The following DGKD variants were observed in gnomAD, a reference collection of about 807,000 sequenced individuals.
The protein encoded by DGKD is diacylglycerol kinase delta, also known as DAG kinase delta.
Under a neutral mutation model 154.4 loss-of-function variants are expected in DGKD, and 68 were observed. The ratio of observed to expected loss-of-function variants is 0.44; its 90% CI spans 0.36 to 0.54. DGKD has a LOEUF of 0.54. Among genes scored for constraint, DGKD ranks in the 20% least tolerant of loss-of-function variants. The pLI, the probability that DGKD is intolerant of heterozygous loss-of-function variation, is 0.00. For synonymous variants in DGKD, 693 were observed against 638.0 expected (o/e 1.09, Z -1.30); for missense variants, 1,343 against 1,593.6 (o/e 0.84, Z 2.68).
Position 233,385,912 on chromosome 2 carries a change from T to A in DGKD, c.157-2345T>A, listed in dbSNP as rs202196893. On this transcript the variant is annotated intron_variant, in intron 1 of 29. Coordinates refer to ENST00000264057, the MANE Select transcript of DGKD (RefSeq NM_152879.3). ...CCCACCAGTCTTTTTCTGAGCACTC[T>A]TGTTATAAATAAAGCAGCAGCTCTC... 3,026 of 355,412 alleles carry A rather than the reference T, an allele frequency of 8.5e-3. 23 individuals carry two copies. Among genetic ancestry groups the A allele is most frequent in the Non-Finnish European group, 0.011 (2,030 of 185,476 alleles). 22.0% of individuals were successfully genotyped at this position (355,412 alleles called of 1,614,324 possible).
At chr2:233,367,577 C>T (rs1489273872) in intron 1 of DGKD, among the ~76,000 whole-genome samples, 1 of 152,106 alleles carries the variant, frequency 6.6e-6, no homozygotes, top group East Asian at 1.9e-4. Flanking sequence ...TTGTACCAAC[C>T]TAATAATCTT....
chr2:233,379,448 G>A (rs538210507), intron 1 of DGKD, among the ~76,000 whole-genome samples: 2 of 152,346 alleles, frequency 1.3e-5, no homozygotes, highest in African/African-American at 4.8e-5. Context: ...AGATGACAAG[G>A]AAAGCAAGGA....
chr2:233,354,932 G>A lies in DGKD; in HGVS notation c.156+258G>A, dbSNP rs899812468. The stretch of plus-strand genomic sequence containing the variant: ...CGCAGGTGGGCGCCCCGGGCGCCGC[G>A]CGCTGGGCGGGGGGCGCGCGCCGAG... On this transcript the variant is annotated intron_variant, in intron 1 of 29. Transcript: ENST00000264057. The surrounding 1 kb of genome is among the most constrained non-coding windows in gnomAD (Gnocchi z 4.8). 8.2e-5 allele frequency among the ~76,000 whole-genome samples: 12 copies of A among 147,072 alleles called. No individual in the cohort carries two copies. The highest frequency in any genetic ancestry group is 2.2e-4 in the African/African-American group (9 of 40,612).
intron 13 of DGKD, 32 bp from the exon 14 acceptor site, chr2:233,448,244 C>T: frequency 5.6e-6 from 9 of 1,614,046 alleles, no homozygotes; most frequent in Non-Finnish European, 7.6e-6. Flanking sequence ...AGCTGCCTCT[C>T]TAGAAGGGTC....
chr2:233,404,910 G>A (rs969815662), intron 3 of DGKD, among the ~76,000 whole-genome samples: 1 of 152,158 alleles, frequency 6.6e-6, no homozygotes, highest in Admixed American at 6.5e-5. Flanking sequence ...GTACACACTT[G>A]CATGAGGGAT....
intron 1 of DGKD, among the ~76,000 whole-genome samples, chr2:233,380,815 G>A (rs1702860275): frequency 6.6e-6 from 1 of 152,164 alleles, no homozygotes; most frequent in Admixed American, 6.5e-5. Context: ...ACACATCGTT[G>A]CCACTTTTTG....
chr2:233,462,301 C>A, intron 24 of DGKD, 47 bp from the exon 25 acceptor site: 2 of 1,479,450 alleles, frequency 1.4e-6, no homozygotes, highest in African/African-American at 1.4e-5. Context: ...TGAAAGGCTG[C>A]CCTTCCATTT....
chr2:233,468,666 C>A, intron 29 of DGKD, 113 bp downstream of exon 29: 1 of 1,517,800 alleles, frequency 6.6e-7, no homozygotes, highest in Non-Finnish European at 8.9e-7. Context: ...TCTTCTCAGG[C>A]TTTCGTGTAT....
chr2:233,449,842 TTTCGGAGTCCAAGCC>T lies in DGKD; in HGVS notation c.1889-137_1889-123del. Reference sequence around the variant, plus strand: ...AGGGGGAAGATGGGTGGGGGTGGGGTTTCGGAGTCCAAGCCTTTAGCCAGAGGTTGTTTGAGGAAG... The same window carrying T: ...AGGGGGAAGATGGGTGGGGGTGGGGTTTTAGCCAGAGGTTGTTTGAGGAAG... On this transcript the variant is annotated intron_variant, in intron 15 of 29. Coordinates refer to ENST00000264057, the MANE Select transcript of DGKD (RefSeq NM_152879.3). This position sits in a 1 kb window ranked among gnomAD's most constrained non-coding sequence, Gnocchi z 5.3. 9.8e-7 allele frequency: 1 copy of T among 1,025,190 alleles called. No homozygotes were observed. 63.5% of individuals were successfully genotyped at this position (1,025,190 alleles called of 1,614,324 possible).
Position 233,452,988 on chromosome 2 carries a change from C to T in DGKD, c.2264+928C>T, listed in dbSNP as rs966085104. ...CCTGTTCCTGGCCTGGTCTACTCCT[C>T]CCCTGGGGCTGCGTGGGGCTCCAGT... On this transcript the variant is annotated intron_variant, in intron 18 of 29. Transcript: ENST00000264057. This position sits in a 1 kb window ranked among gnomAD's most constrained non-coding sequence, Gnocchi z 4.0. Among the ~76,000 whole-genome samples, 4 of 152,194 alleles carry T rather than the reference C, an allele frequency of 2.6e-5. No individual in the cohort carries two copies. The highest frequency in any genetic ancestry group is 9.7e-5 in the African/African-American group (4 of 41,448).
In DGKD at chr2:233,365,366, G is replaced by A. The variant is rs1000466607; in HGVS notation, c.156+10692G>A. On this transcript the variant is annotated intron_variant, in intron 1 of 29. Transcript: ENST00000264057. Reference sequence around the variant, plus strand: ...CTGCCTCAGCCTCCAGAGTAGCTGCGACTACAGGTGTCCATCACCATGCCA... The same window carrying A: ...CTGCCTCAGCCTCCAGAGTAGCTGCAACTACAGGTGTCCATCACCATGCCA... Among the ~76,000 whole-genome samples, 4 of 151,996 alleles carry A rather than the reference G, an allele frequency of 2.6e-5. No homozygotes were observed. The East Asian group carries it at 7.7e-4, about 29-fold the overall frequency.
intron 1 of DGKD, among the ~76,000 whole-genome samples, chr2:233,356,240 A>G (rs1475240004): frequency 6.6e-6 from 1 of 152,236 alleles, no homozygotes. Context: ...CGAAATGATC[A>G]GAAGTTGGGC....
intron 3 of DGKD, among the ~76,000 whole-genome samples, chr2:233,425,960 A>AT (rs1233259140): frequency 2.6e-5 from 4 of 152,184 alleles, no homozygotes; most frequent in African/African-American, 7.2e-5. Flanking sequence ...AGTCTGACAG[A>AT]TTTTACCAAA....
At chr2:233,455,453 C>T (rs549715333) in intron 19 of DGKD, among the ~76,000 whole-genome samples, 51 of 152,328 alleles carry the variant, frequency 3.3e-4, no homozygotes, top group South Asian at 2.1e-3. Context: ...TCAAGCTTTT[C>T]TTCCTGGGCT....
intron 1 of DGKD, among the ~76,000 whole-genome samples, chr2:233,355,024 G>A (rs552173826): frequency 6.6e-6 from 1 of 151,864 alleles, no homozygotes; most frequent in East Asian, 2.0e-4. Flanking sequence ...GCCACCGAGC[G>A]GGTCCCACGC....
intron 3 of DGKD, among the ~76,000 whole-genome samples, chr2:233,411,395 T>G (rs983027520): frequency 1.3e-5 from 2 of 152,240 alleles, no homozygotes; most frequent in African/African-American, 2.4e-5. Flanking sequence ...CTAATAGTTA[T>G]GTAGTGTTAC....
intron 19 of DGKD, among the ~76,000 whole-genome samples, chr2:233,456,059 G>T (rs1007341573): frequency 2.0e-5 from 3 of 152,220 alleles, no homozygotes; most frequent in African/African-American, 7.2e-5. Context: ...TACATTTCTA[G>T]AGCTTTGGAA....
At chr2:233,398,391 G>C (rs553787263) in intron 3 of DGKD, among the ~76,000 whole-genome samples, 10 of 151,720 alleles carry the variant, frequency 6.6e-5, no homozygotes, top group African/African-American at 9.7e-5. Context: ...GTGATCCGCC[G>C]GCCTCAGCCT....
Position 233,469,781 on chromosome 2 carries a change from TCTGGCCTCCTGGGCACTGCTTGC to T in DGKD, c.*330_*352del, listed in dbSNP as rs1390879626. The T allele has an allele frequency of 1.3e-5, 4 of 307,932 alleles. No individual in the cohort carries two copies. The highest frequency in any genetic ancestry group is 4.6e-5 in the Admixed American group (1 of 21,694). The allele number at this position is 307,932 out of a possible 1,614,324, so 19.1% of individuals were successfully genotyped here. ...CTGTGGGCCAGGGAATCCAGCGGCG[TCTGGCCTCCTGGGCACTGCTTGC>T]CTGGCCTCGTGCTTGGATTGTCCCG... On this transcript the variant is annotated 3_prime_UTR_variant, in exon 30 of 30. Coordinates refer to ENST00000264057, the MANE Select transcript of DGKD (RefSeq NM_152879.3).
Sources: gnomAD v4.1 joint callset for allele counts (sites outside exome capture counted in the v4.1 genomes callset) on GRCh38, gnomAD v4.1.1 for gene constraint, Gnocchi (gnomAD v3.1) non-coding constraint, MANE v1.5 for transcripts, NCBI Gene and HGNC (gene_info 2026-07-23, HGNC 2026-07-21) for gene names.